Variants in NOL10 observed in about 807,000 individuals in gnomAD.
NOL10 encodes nucleolar protein 10.
In NOL10, 58 loss-of-function variants were observed where a neutral mutation model predicts 103.5. That is an observed-to-expected ratio of 0.56 (90% CI 0.45 to 0.70). The LOEUF is 0.70. Ranked by LOEUF, NOL10 falls within the 30% of genes least tolerant of loss-of-function variation. The pLI is 0.00. For synonymous variants in NOL10, 287 were observed against 282.5 expected (o/e 1.02, Z -0.16); for missense variants, 763 against 807.3 (o/e 0.95, Z 0.67).
At chr2:10,684,702 A>C (rs1356631827) in intron 1 of NOL10, 90 bp from the exon 2 acceptor site, 1 of 936,392 alleles carries the variant, frequency 1.1e-6, no homozygotes, top group Non-Finnish European at 1.6e-6. Context: ...ATATTTAAAA[A>C]TTCAAACTTC....
At chr2:10,581,190 G>A (rs946248802) in intron 19 of NOL10, among the ~76,000 whole-genome samples, 1 of 152,114 alleles carries the variant, frequency 6.6e-6, no homozygotes, top group African/African-American at 2.4e-5. Flanking sequence ...CTTAATATCC[G>A]GCGTTGCTGG....
intron 12 of NOL10, among the ~76,000 whole-genome samples, chr2:10,649,962 T>C (rs964462211): frequency 1.3e-5 from 2 of 152,194 alleles, no homozygotes; most frequent in Non-Finnish European, 2.9e-5. Flanking sequence ...GTAAAACCCA[T>C]TCTTAACTCA....
intron 9 of NOL10, among the ~76,000 whole-genome samples, chr2:10,661,523 C>A (rs1489910378): frequency 6.6e-6 from 1 of 152,098 alleles, no homozygotes; most frequent in African/African-American, 2.4e-5. Context: ...AGGCATGCAC[C>A]ACCATGCCCG....
intron 13 of NOL10, among the ~76,000 whole-genome samples, chr2:10,607,879 C>T (rs1676341880): frequency 6.6e-6 from 1 of 151,738 alleles, no homozygotes; most frequent in African/African-American, 2.4e-5. Flanking sequence ...AAATTACTTT[C>T]TTTTAAGATT....
chr2:10,572,850 G>A (rs1674250891), intron 20 of NOL10, among the ~76,000 whole-genome samples: 2 of 152,136 alleles, frequency 1.3e-5, no homozygotes, highest in African/African-American at 2.4e-5. Context: ...GCTGACTGCT[G>A]GAAAGGTGCT....
chr2:10,587,460 G>A (rs889841550), intron 19 of NOL10, among the ~76,000 whole-genome samples: 4 of 150,040 alleles, frequency 2.7e-5, no homozygotes, highest in South Asian at 2.1e-4. Context: ...TAGTAGAGAC[G>A]GGGTTTCACC....
At chr2:10,614,420 A>G (rs1476649407) in intron 13 of NOL10, among the ~76,000 whole-genome samples, 2 of 152,198 alleles carry the variant, frequency 1.3e-5, no homozygotes, top group African/African-American at 2.4e-5. Flanking sequence ...AACAGAAACA[A>G]CTGGAACCAG....
chr2:10,675,664 C>G, intron 4 of NOL10, 130 bp downstream of exon 4: 1 of 569,452 alleles, frequency 1.8e-6, no homozygotes, highest in Middle Eastern at 4.8e-4. Context: ...TTTAAGCCAT[C>G]GGGATTGTAG....
At chr2:10,642,592 T>C (rs1014042467) in intron 13 of NOL10, among the ~76,000 whole-genome samples, 3 of 151,978 alleles carry the variant, frequency 2.0e-5, no homozygotes, top group Non-Finnish European at 2.9e-5. Flanking sequence ...TGCTCAGCCA[T>C]GGGAGGTACT....
At chr2:10,651,082 C>T (rs1225130995) in intron 12 of NOL10, among the ~76,000 whole-genome samples, 2 of 152,180 alleles carry the variant, frequency 1.3e-5, no homozygotes, top group Non-Finnish European at 1.5e-5. Flanking sequence ...AAGAGATGCA[C>T]AAAAACTGAC....
chr2:10,662,289 A>G (rs1680261433), intron 9 of NOL10, among the ~76,000 whole-genome samples: 1 of 152,256 alleles, frequency 6.6e-6, no homozygotes. Context: ...GCTTTATTTA[A>G]TCAATATCCT....
At chr2:10,659,727 T>G (rs1680071157) in intron 9 of NOL10, among the ~76,000 whole-genome samples, 1 of 152,104 alleles carries the variant, frequency 6.6e-6, no homozygotes, top group Non-Finnish European at 1.5e-5. Flanking sequence ...TTATTCAAAC[T>G]TTCATAATCA....
chr2:10,643,182 T>G (rs34562923), intron 13 of NOL10, among the ~76,000 whole-genome samples: 32,599 of 152,042 alleles, frequency 0.21, 4,574 homozygotes, highest in East Asian at 0.44. Flanking sequence ...CCAAACGAAA[T>G]ATCTCTAAGT....
chr2:10,648,254 A>C (rs1035859126), intron 12 of NOL10, among the ~76,000 whole-genome samples: 1 of 152,214 alleles, frequency 6.6e-6, no homozygotes, highest in African/African-American at 2.4e-5. Context: ...AAAATGAGTA[A>C]GTGAAAAGAA....
In NOL10 at chr2:10,589,185, G is replaced by A. The variant is rs1244653683; in HGVS notation, c.1702C>T (p.Leu568Phe). 6.2e-7 allele frequency: 1 copy of A among 1,613,804 alleles called. No individual in the cohort carries two copies. Among genetic ancestry groups the A allele is most frequent in the African/African-American group, 1.3e-5 (1 of 74,902 alleles). Residue 568 changes from leucine to phenylalanine, a missense_variant, in exon 19 of 21, where the codon CTC (leucine) becomes TTC (phenylalanine). By Grantham distance (22) the Leu-to-Phe change is conservative. Coordinates refer to ENST00000381685, the MANE Select transcript of NOL10 (RefSeq NM_024894.4). ...VEEVRKQRRL[L>F]QQEEKVKRQE... ...CGCTTCACTTTTTCCTCCTGCTGGAGGAGTCTGCGTTGCTTCCTGACCTCT... is the reference window on the plus strand; with the variant it reads ...CGCTTCACTTTTTCCTCCTGCTGGAAGAGTCTGCGTTGCTTCCTGACCTCT...
At chr2:10,635,954 C>T (rs962076883) in intron 13 of NOL10, among the ~76,000 whole-genome samples, 1 of 152,192 alleles carries the variant, frequency 6.6e-6, no homozygotes, top group African/African-American at 2.4e-5. Context: ...AGCACGACCT[C>T]GGCTCACCGT....
chr2:10,608,963 C>T (rs1676400974), intron 13 of NOL10, among the ~76,000 whole-genome samples: 1 of 152,018 alleles, frequency 6.6e-6, no homozygotes, highest in Non-Finnish European at 1.5e-5. Context: ...AAAAGACAAA[C>T]CTTCAAGAAA....
chr2:10,618,007 T>C (rs4669600), intron 13 of NOL10, among the ~76,000 whole-genome samples: 32,564 of 150,440 alleles, frequency 0.22, 4,582 homozygotes, highest in East Asian at 0.45. Flanking sequence ...TGGCAACCAC[T>C]GCACAACTCT....
chr2:10,682,806 A>G (rs950525593), intron 2 of NOL10, among the ~76,000 whole-genome samples: 1 of 151,166 alleles, frequency 6.6e-6, no homozygotes, highest in Admixed American at 6.6e-5. Flanking sequence ...TTTTTTTTTG[A>G]GACAAGTCTC....
Sources: gnomAD v4.1 joint callset for allele counts (sites outside exome capture counted in the v4.1 genomes callset) on GRCh38, gnomAD v4.1.1 for gene constraint, MANE v1.5 for transcripts, NCBI Gene and HGNC (gene_info 2026-07-23, HGNC 2026-07-21) for gene names.